Variants in EML5 observed in about 807,000 individuals in gnomAD.
EML5 encodes echinoderm microtubule-associated protein-like 5.
Under a neutral mutation model 250.0 loss-of-function variants are expected in EML5, and 120 were observed. The ratio of observed to expected loss-of-function variants is 0.48; its 90% CI spans 0.41 to 0.56. The LOEUF (loss-of-function observed/expected upper bound fraction) is 0.56, where lower values mean the gene tolerates loss of function less well. Ranked by LOEUF, EML5 falls within the 20% of genes least tolerant of loss-of-function variation. The probability of loss-of-function intolerance (pLI) is 0.00; values close to 1 mark genes in which losing one functional copy is unlikely to be tolerated. For missense variants in EML5, 2,006 were observed against 2,437.6 expected (o/e 0.82, Z 3.73); for synonymous variants, 771 against 806.5 (o/e 0.96, Z 0.75).
chr14:88,665,234 T>C (rs1210700339), intron 22 of EML5, 103 bp downstream of exon 22: 1 of 1,302,122 alleles, frequency 7.7e-7, no homozygotes, highest in Non-Finnish European at 1.0e-6. Context: ...GTAAAAAAGT[T>C]AAGTTCTGAG....
chr14:88,791,880 G>T (rs980301799), intron 1 of EML5, among the ~76,000 whole-genome samples: 5 of 152,074 alleles, frequency 3.3e-5, no homozygotes, highest in Non-Finnish European at 7.4e-5. Context: ...GCAGCCCACC[G>T]CTTGCTGTGC....
At chr14:88,693,492 A>G (rs1047637631) in intron 17 of EML5, among the ~76,000 whole-genome samples, 1 of 152,206 alleles carries the variant, frequency 6.6e-6, no homozygotes, top group African/African-American at 2.4e-5. Flanking sequence ...CCATGATTCA[A>G]TTATCTCTAC....
intron 29 of EML5, 190 bp from the exon 30 acceptor site, chr14:88,644,701 C>T: frequency 2.0e-6 from 1 of 488,036 alleles, no homozygotes; most frequent in South Asian, 3.6e-5. Context: ...AATATTACAA[C>T]TTTTATTCAT....
intron 14 of EML5, among the ~76,000 whole-genome samples, chr14:88,701,062 T>C (rs2093198536): frequency 6.6e-6 from 1 of 152,168 alleles, no homozygotes; most frequent in African/African-American, 2.4e-5. Flanking sequence ...ATCATCTCTA[T>C]GAGGGTTTCT....
At chr14:88,621,533 T>G (rs2088938777) in intron 37 of EML5, 2 of 549,022 alleles carry the variant, frequency 3.6e-6, no homozygotes, top group Admixed American at 6.6e-5. Context: ...AGAATAGAAC[T>G]TTTCTGTGGC....
intron 28 of EML5, 38 bp downstream of exon 28, chr14:88,649,874 A>G (rs1310493743): frequency 2.1e-6 from 3 of 1,451,740 alleles, no homozygotes; most frequent in South Asian, 1.4e-5. Flanking sequence ...TAAAGGGTAA[A>G]TTTTTGAATA....
At chr14:88,769,983 G>C (rs192016606) in intron 1 of EML5, among the ~76,000 whole-genome samples, 16 of 144,906 alleles carry the variant, frequency 1.1e-4, no homozygotes, top group Admixed American at 1.0e-3. Context: ...TTTTTTTTTG[G>C]TCTTTATCCT....
chr14:88,628,721 G>T (rs552927075), intron 33 of EML5, among the ~76,000 whole-genome samples: 1 of 152,058 alleles, frequency 6.6e-6, no homozygotes, highest in African/African-American at 2.4e-5. Context: ...ATAAATGTTG[G>T]TCTCTAAAGA....
intron 39 of EML5, 153 bp from the exon 40 acceptor site, chr14:88,618,965 G>A (rs774189173): frequency 3.1e-4 from 182 of 591,292 alleles, no homozygotes; most frequent in Non-Finnish European, 4.7e-4. Context: ...TGTATACTGA[G>A]ATTGTCTGGG....
At chr14:88,776,904 A>C (rs992942120) in intron 1 of EML5, among the ~76,000 whole-genome samples, 10 of 151,994 alleles carry the variant, frequency 6.6e-5, no homozygotes, top group Admixed American at 1.3e-4. Flanking sequence ...CAGAAACAAC[A>C]ACCAAAACAA....
intron 31 of EML5, among the ~76,000 whole-genome samples, chr14:88,639,617 C>T (rs958121527): frequency 6.6e-6 from 1 of 152,076 alleles, no homozygotes; most frequent in African/African-American, 2.4e-5. Flanking sequence ...CACTCTGTTG[C>T]CCAGGGTGGA....
chr14:88,724,274 A>C (rs1277420168), intron 8 of EML5, among the ~76,000 whole-genome samples: 7 of 85,912 alleles, frequency 8.1e-5, no homozygotes, highest in African/African-American at 9.1e-5. Context: ...ACTCCATATC[A>C]AAAAAAAAAA....
intron 4 of EML5, 94 bp from the exon 5 acceptor site, chr14:88,740,666 G>A (rs545809731): frequency 9.0e-7 from 1 of 1,115,224 alleles, no homozygotes; most frequent in African/African-American, 1.6e-5. Context: ...AGAGCAGTGA[G>A]CTAAAAATTA....
intron 21 of EML5, among the ~76,000 whole-genome samples, chr14:88,669,977 C>A (rs1284405236): frequency 6.6e-6 from 1 of 152,030 alleles, no homozygotes; most frequent in Non-Finnish European, 1.5e-5. Context: ...CTGGAGTGGA[C>A]CTCCAGCAAA....
chr14:88,774,416 T>C (rs778738397), intron 1 of EML5, among the ~76,000 whole-genome samples: 2 of 152,202 alleles, frequency 1.3e-5, no homozygotes, highest in African/African-American at 4.8e-5. Context: ...TTGGAACGAA[T>C]CTTGAAAGAG....
At position 88,620,710 on chromosome 14, in the gene EML5, A is replaced by C; in HGVS notation, c.5375+44T>G. ...ATGGAAAATTTTACAAATGGAAGTT[A>C]AATCAAGTATATACTAGAAACTCTA... On this transcript the variant is annotated intron_variant, in intron 39 of 43. Transcript: ENST00000554922. This position sits in a 1 kb window ranked among gnomAD's most constrained non-coding sequence, Gnocchi z 4.3. 1 of 1,407,584 alleles carries C rather than the reference A, an allele frequency of 7.1e-7. No individual in the cohort carries two copies. The highest frequency in any genetic ancestry group is 9.3e-7 in the Non-Finnish European group (1 of 1,077,792). The allele number at this position is 1,407,584 out of a possible 1,614,324, so 87.2% of individuals were successfully genotyped here.
chr14:88,760,613 G>GTT (rs2094226303), intron 1 of EML5, among the ~76,000 whole-genome samples: 1 of 151,978 alleles, frequency 6.6e-6, no homozygotes, highest in Non-Finnish European at 1.5e-5. Flanking sequence ...CTCTACCTTT[G>GTT]TTCTTTTTCC....
intron 1 of EML5, among the ~76,000 whole-genome samples, chr14:88,782,709 C>T (rs1822671704): frequency 6.6e-6 from 1 of 152,224 alleles, no homozygotes; most frequent in Non-Finnish European, 1.5e-5. Flanking sequence ...GCAGCTTCCA[C>T]ATGGTGTTGG....
At chr14:88,785,408 C>A (rs1266080661) in intron 1 of EML5, among the ~76,000 whole-genome samples, 1 of 152,202 alleles carries the variant, frequency 6.6e-6, no homozygotes, top group Admixed American at 6.5e-5. Context: ...GATTATTTCA[C>A]ACTGCTTGCC....
Sources: allele counts gnomAD v4.1 joint callset (sites outside exome capture counted in the v4.1 genomes callset), GRCh38; gene constraint gnomAD v4.1.1; non-coding constraint Gnocchi (gnomAD v3.1); transcripts MANE v1.5; gene names NCBI Gene and HGNC (gene_info 2026-07-23, HGNC 2026-07-21).